The following SLC31A1 variants were observed in gnomAD, a reference collection of about 807,000 sequenced individuals.
The protein encoded by SLC31A1 is high affinity copper uptake protein 1.
In SLC31A1, 5 loss-of-function variants were observed where a neutral mutation model predicts 17.2. The ratio of observed to expected loss-of-function variants is 0.29; its 90% CI spans 0.15 to 0.61. SLC31A1 has a LOEUF of 0.61. Ranked by LOEUF, SLC31A1 falls within the 20% of genes least tolerant of loss-of-function variation. The pLI, the probability that SLC31A1 is intolerant of heterozygous loss-of-function variation, is 0.86. For missense variants in SLC31A1, 161 were observed against 241.4 expected (o/e 0.67, Z 2.21); for synonymous variants, 76 against 78.8 (o/e 0.96, Z 0.19).
chr9:113,225,079 A>G (rs1002128280), intron 1 of SLC31A1, among the ~76,000 whole-genome samples: 11 of 152,228 alleles, frequency 7.2e-5, no homozygotes, highest in Admixed American at 6.5e-4. Context: ...ACGTACTTTC[A>G]GTAATAAGCA....
chr9:113,244,986 C>T (rs1214356768), intron 1 of SLC31A1, among the ~76,000 whole-genome samples: 1 of 152,190 alleles, frequency 6.6e-6, no homozygotes, highest in Non-Finnish European at 1.5e-5. Context: ...GTTTTACTTA[C>T]CATTTTTAAT....
chr9:113,245,754 C>T (rs945386939), intron 1 of SLC31A1, among the ~76,000 whole-genome samples: 23 of 151,792 alleles, frequency 1.5e-4, no homozygotes, highest in African/African-American at 5.3e-4. Context: ...ACCTGAGCCT[C>T]TCAAGTAGTT....
chr9:113,230,470 GC>G (rs1831390082), intron 1 of SLC31A1, among the ~76,000 whole-genome samples: 2 of 152,152 alleles, frequency 1.3e-5, no homozygotes, highest in Non-Finnish European at 2.9e-5. Context: ...TGTTGCCCGG[GC>G]TGGTCTTGAA....
chr9:113,253,675 T>A (rs1831687728), intron 1 of SLC31A1, among the ~76,000 whole-genome samples: 1 of 150,208 alleles, frequency 6.7e-6, no homozygotes, highest in African/African-American at 2.4e-5. Flanking sequence ...TGCCTCAGCC[T>A]CCCGAGTAGC....
chr9:113,254,596 C>CT (rs1193192538), intron 1 of SLC31A1, among the ~76,000 whole-genome samples: 1 of 152,144 alleles, frequency 6.6e-6, no homozygotes, highest in African/African-American at 2.4e-5. Context: ...CCAACTCTAG[C>CT]TATAGGAGTT....
intron 3 of SLC31A1, among the ~76,000 whole-genome samples, chr9:113,257,478 A>ATTTTTTTTTTTTTT (rs532189321): frequency 9.9e-6 from 1 of 101,184 alleles, no homozygotes; most frequent in Non-Finnish European, 1.9e-5. Context: ...AGAGTGTTTA[A>ATTTTTTTTTTTTTT]TTTTTTTTTT....
At chr9:113,227,499 C>T (rs1831354661) in intron 1 of SLC31A1, 1 of 152,182 alleles carries the variant, frequency 6.6e-6, no homozygotes, top group Admixed American at 6.6e-5. Flanking sequence ...AGCAGTCTGC[C>T]CACCTTGGCC....
At chr9:113,234,508 T>A (rs946035464) in intron 1 of SLC31A1, among the ~76,000 whole-genome samples, 22 of 138,272 alleles carry the variant, frequency 1.6e-4, no homozygotes, top group South Asian at 1.2e-3. Flanking sequence ...TTTTTTTTTT[T>A]AGCTCTCACT....
intron 1 of SLC31A1, chr9:113,227,653 G>A (rs1214740582): frequency 6.6e-6 from 1 of 152,114 alleles, no homozygotes; most frequent in Non-Finnish European, 1.5e-5. Context: ...AAAAAAAAGG[G>A]AACAGTTCAA....
At chr9:113,235,373 G>T (rs1340872854) in intron 1 of SLC31A1, among the ~76,000 whole-genome samples, 2 of 152,196 alleles carry the variant, frequency 1.3e-5, no homozygotes, top group African/African-American at 4.8e-5. Context: ...ATTTGCAAAT[G>T]TTCACAGCAG....
At chr9:113,242,362 A>G (rs1191733060) in intron 1 of SLC31A1, among the ~76,000 whole-genome samples, 2 of 152,212 alleles carry the variant, frequency 1.3e-5, no homozygotes, top group South Asian at 2.1e-4. Flanking sequence ...TTTGGCTGGA[A>G]TACAAAGTAC....
At chr9:113,253,469 A>G (rs1831683716) in intron 1 of SLC31A1, among the ~76,000 whole-genome samples, 1 of 151,104 alleles carries the variant, frequency 6.6e-6, no homozygotes, top group Non-Finnish European at 1.5e-5. Flanking sequence ...GTAGACAAAG[A>G]CTCTGTTTTA....
intron 1 of SLC31A1, among the ~76,000 whole-genome samples, chr9:113,228,364 A>G (rs1831365384): frequency 6.6e-6 from 1 of 152,232 alleles, no homozygotes; most frequent in Admixed American, 6.5e-5. Flanking sequence ...CTTACCCAAC[A>G]ACAAAAGGTA....
intron 1 of SLC31A1, among the ~76,000 whole-genome samples, chr9:113,234,329 G>T (rs117453783): frequency 1.3e-5 from 2 of 151,110 alleles, no homozygotes; most frequent in Admixed American, 6.6e-5. Flanking sequence ...GGCACCTACC[G>T]CTACGTCCAG....
intron 1 of SLC31A1, among the ~76,000 whole-genome samples, chr9:113,234,328 C>T (rs1026009646): frequency 1.3e-5 from 2 of 151,708 alleles, no homozygotes; most frequent in African/African-American, 2.4e-5. Flanking sequence ...AGGCACCTAC[C>T]GCTACGTCCA....
chr9:113,244,265 T>G (rs1831554033), intron 1 of SLC31A1, among the ~76,000 whole-genome samples: 1 of 152,082 alleles, frequency 6.6e-6, no homozygotes. Flanking sequence ...CCTAGATCAT[T>G]GGCCACTCAT....
intron 1 of SLC31A1, among the ~76,000 whole-genome samples, chr9:113,235,579 T>C (rs1831448543): frequency 6.6e-6 from 1 of 152,212 alleles, no homozygotes; most frequent in African/African-American, 2.4e-5. Flanking sequence ...CTTCCATTTA[T>C]ATAAATTTCA....
chr9:113,247,910 T>C (rs1250515494), intron 1 of SLC31A1, among the ~76,000 whole-genome samples: 2 of 152,222 alleles, frequency 1.3e-5, no homozygotes, highest in African/African-American at 4.8e-5. Flanking sequence ...TTTAAAGCCT[T>C]CCTGAGAAAG....
chr9:113,238,635 G>A lies in SLC31A1; in HGVS notation c.-36+16957G>A, dbSNP rs554223428. Among the ~76,000 whole-genome samples, 161 of 152,306 alleles carry A rather than the reference G, an allele frequency of 1.1e-3. 1 individual carries two copies. The South Asian group carries it at 0.017, about 16-fold the overall frequency. Reference sequence around the variant, plus strand: ...AAAGTAGCCGGGTATGGTGGCACACGCCTGTAATCCCGCCTACTTGGAAGG... The same window carrying A: ...AAAGTAGCCGGGTATGGTGGCACACACCTGTAATCCCGCCTACTTGGAAGG... On this transcript the variant is annotated intron_variant, in intron 1 of 4. Coordinates refer to ENST00000374212, the MANE Select transcript of SLC31A1 (RefSeq NM_001859.4).
Sources: gnomAD v4.1 joint callset for allele counts (sites outside exome capture counted in the v4.1 genomes callset) on GRCh38, gnomAD v4.1.1 for gene constraint, MANE v1.5 for transcripts, NCBI Gene and HGNC (gene_info 2026-07-23, HGNC 2026-07-21) for gene names.